The following GAS7 variants were observed in gnomAD, a reference collection of about 807,000 sequenced individuals.
GAS7 encodes growth arrest specific 7, also known as growth arrest-specific protein 7.
GAS7 carries 28 observed loss-of-function variants against 71.1 expected under a neutral mutation model. That is an observed-to-expected ratio of 0.39 (90% CI 0.29 to 0.54). The LOEUF (loss-of-function observed/expected upper bound fraction) is 0.54. GAS7 is among the 20% of genes least tolerant of loss of function. GAS7 has a pLI of 0.62. For missense variants in GAS7, 436 were observed against 627.8 expected, an observed-to-expected ratio of 0.69 and a Z score of 3.27; for synonymous variants, 258 against 245.8, an observed-to-expected ratio of 1.05 and a Z score of -0.46.
At chr17:9,993,900 A>G (rs1312533587) in intron 2 of GAS7, among the ~76,000 whole-genome samples, 2 of 152,196 alleles carry the variant, frequency 1.3e-5, no homozygotes, top group Non-Finnish European at 2.9e-5. Context: ...ACAAACAGAG[A>G]GCCAAATTAT....
chr17:9,959,495 TGCTC>T lies in GAS7; in HGVS notation c.472-244_472-241del. ...CCTCCTGCACAGGCTCTGAGAGAAC[TGCTC>T]CAAACCAGGTCTCCCCTCCTCTTCT... On this transcript the variant is annotated intron_variant, in intron 4 of 13. Transcript: ENST00000432992. This position sits in a 1 kb window ranked among gnomAD's most constrained non-coding sequence, Gnocchi z 5.0. 1 of 1,380,164 alleles carries T rather than the reference TGCTC, an allele frequency of 7.2e-7. No individual in the cohort carries two copies. The highest frequency in any genetic ancestry group is 1.7e-5 in the South Asian group (1 of 60,074). 85.5% of individuals were successfully genotyped at this position (1,380,164 alleles called of 1,614,324 possible).
chr17:10,055,055 C>T (rs770990397), intron 1 of GAS7, among the ~76,000 whole-genome samples: 14 of 152,064 alleles, frequency 9.2e-5, no homozygotes, highest in East Asian at 1.9e-4. Context: ...CAGTCAGGGG[C>T]GACACCACAC....
rs1222229624 is a variant in GAS7 at position 9,912,995 on chromosome 17, GA to G, written c.*4232del. 4.3e-6 allele frequency: 1 copy of G among 232,862 alleles called. No homozygotes were observed. Among genetic ancestry groups the G allele is most frequent in the Non-Finnish European group, 8.5e-6 (1 of 117,826 alleles). 14.4% of individuals were successfully genotyped at this position (232,862 alleles called of 1,614,324 possible). Reference sequence around the variant, plus strand: ...GTGACTCCATTTATATGACATTCTAGAAAAGGCAAAATTATAGGATCAGATA... The same window carrying G: ...GTGACTCCATTTATATGACATTCTAGAAAGGCAAAATTATAGGATCAGATA... On this transcript the variant is annotated 3_prime_UTR_variant, in exon 14 of 14. Coordinates refer to ENST00000432992, the MANE Select transcript of GAS7 (RefSeq NM_201433.2).
At chr17:10,050,439 T>G (rs1158464448) in intron 1 of GAS7, among the ~76,000 whole-genome samples, 4 of 152,152 alleles carry the variant, frequency 2.6e-5, no homozygotes, top group African/African-American at 9.7e-5. Context: ...AGACAGAGCT[T>G]GGACACCGAG....
chr17:9,934,839 G>A (rs1384202539), intron 8 of GAS7, among the ~76,000 whole-genome samples: 3 of 152,188 alleles, frequency 2.0e-5, no homozygotes, highest in Non-Finnish European at 2.9e-5. Flanking sequence ...GGGTTCAAGC[G>A]ATTCTCCTGT....
chr17:10,101,760 G>A (rs1234436998), intron 1 of GAS7, among the ~76,000 whole-genome samples: 3 of 152,192 alleles, frequency 2.0e-5, no homozygotes, highest in African/African-American at 4.8e-5. Context: ...ATTGGTTAAA[G>A]AGAAGCATTA....
rs188968602 is a variant in GAS7, at chr17:10,186,088, G to A, written c.183+12120C>T. On this transcript the variant is annotated intron_variant, in intron 1 of 13. Coordinates refer to ENST00000432992, the MANE Select transcript of GAS7 (RefSeq NM_201433.2). ...TCCTGCCTCAGCCTCCAGAGTAGCTGGGACCACAGGTGCCCACCATGCCCA... is the reference window on the plus strand; with the variant it reads ...TCCTGCCTCAGCCTCCAGAGTAGCTAGGACCACAGGTGCCCACCATGCCCA... 7.2e-4 allele frequency among the ~76,000 whole-genome samples: 109 copies of A among 151,098 alleles called. 1 individual carries two copies. The highest frequency in any genetic ancestry group is 1.3e-4 in the Non-Finnish European group (9 of 67,834).
chr17:10,122,989 G>A (rs962375875), intron 1 of GAS7, among the ~76,000 whole-genome samples: 4 of 152,004 alleles, frequency 2.6e-5, no homozygotes, highest in East Asian at 3.9e-4. Context: ...ACACCACCAC[G>A]CCTGGCTGAT....
rs2067709834 is a variant in GAS7 at position 9,919,352 on chromosome 17, A to T, written c.1218+274T>A. On this transcript the variant is annotated intron_variant, in intron 12 of 13. Coordinates refer to ENST00000432992, the MANE Select transcript of GAS7 (RefSeq NM_201433.2). This position sits in a 1 kb window ranked among gnomAD's most constrained non-coding sequence, Gnocchi z 5.0. ...GTCCACTTAGTTGAGGAGAGTCCTC[A>T]GTTGACCCTGACCTCTCAGGGGACA... Among the ~76,000 whole-genome samples, 1 of 152,134 alleles carries T rather than the reference A, an allele frequency of 6.6e-6. No homozygotes were observed. The highest frequency in any genetic ancestry group is 2.4e-5 in the African/African-American group (1 of 41,420).
At chr17:10,141,753 T>C (rs7224385) in intron 1 of GAS7, among the ~76,000 whole-genome samples, 88,448 of 152,030 alleles carry the variant, frequency 0.58, 27,632 homozygotes, top group East Asian at 0.85. Flanking sequence ...TTAAAATGTG[T>C]ATGATAGATA....
Position 9,952,992 on chromosome 17 carries a change from T to C in GAS7, c.526-6009A>G, listed in dbSNP as rs553987735. ...TCATTCGACCCAGCAATCCCATTAC[T>C]GGGTATATACCCAAAGGAATATAAA... is the stretch of plus-strand genomic sequence containing the variant. On this transcript the variant is annotated intron_variant, in intron 5 of 13. Coordinates refer to ENST00000432992, the MANE Select transcript of GAS7 (RefSeq NM_201433.2). 2.0e-5 allele frequency among the ~76,000 whole-genome samples: 3 copies of C among 152,230 alleles called. No homozygotes were observed. In the South Asian group the frequency reaches 6.2e-4, roughly 32 times the overall value.
At chr17:10,129,956 G>A (rs555191414) in intron 1 of GAS7, among the ~76,000 whole-genome samples, 9 of 152,006 alleles carry the variant, frequency 5.9e-5, no homozygotes, top group Non-Finnish European at 8.8e-5. Flanking sequence ...GGTGGATCGC[G>A]AGGTCAGGAG....
At chr17:10,040,393 G>A (rs2072840750) in intron 1 of GAS7, among the ~76,000 whole-genome samples, 1 of 152,178 alleles carries the variant, frequency 6.6e-6, no homozygotes, top group Non-Finnish European at 1.5e-5. Context: ...GGGAGGCCAT[G>A]AGGACACCAA....
rs1000080440 is a variant in GAS7, at chr17:10,039,750, G to A, written c.184-19853C>T. The A allele has an allele frequency of 3.1e-5, 14 of 456,296 alleles. No homozygotes were observed. In the East Asian group the frequency reaches 4.2e-4, roughly 14 times the overall value. The allele number at this position is 456,296 out of a possible 1,614,324, so 28.3% of individuals were successfully genotyped here. A position where few individuals can be genotyped will look rare whatever the true frequency, so the allele number is the denominator to read the frequency against. On this transcript the variant is annotated intron_variant, in intron 1 of 13. Coordinates refer to ENST00000432992, the MANE Select transcript of GAS7 (RefSeq NM_201433.2). ...TAGCAGGACTCACTCACCATGGCTC[G>A]TCTTGCGTTCAATCTTGGGGAGACC... is the stretch of plus-strand genomic sequence containing the variant.
At chr17:10,131,214 T>C (rs1311049914) in intron 1 of GAS7, among the ~76,000 whole-genome samples, 1 of 152,186 alleles carries the variant, frequency 6.6e-6, no homozygotes, top group Non-Finnish European at 1.5e-5. Context: ...TGGTCTCTGT[T>C]TACCTATGAT....
intron 1 of GAS7, among the ~76,000 whole-genome samples, chr17:10,137,360 G>GC (rs1298164813): frequency 7.1e-6 from 1 of 140,470 alleles, no homozygotes; most frequent in Non-Finnish European, 1.5e-5. Context: ...CCCACAACCT[G>GC]CCCCCCTCAC....
intron 2 of GAS7, among the ~76,000 whole-genome samples, chr17:9,989,036 A>G (rs1460486616): frequency 6.6e-6 from 1 of 151,976 alleles, no homozygotes; most frequent in Non-Finnish European, 1.5e-5. Context: ...TTTTTAGTAG[A>G]GACAGGGTTT....
At chr17:10,109,679 G>A (rs1237897561) in intron 1 of GAS7, among the ~76,000 whole-genome samples, 1 of 152,246 alleles carries the variant, frequency 6.6e-6, no homozygotes, top group Non-Finnish European at 1.5e-5. Flanking sequence ...AACACTTTGG[G>A]AGGCCAAGGC....
chr17:10,015,264 A>G lies in GAS7; in HGVS notation c.304+4513T>C, dbSNP rs369318099. ...GTGTAAAAATGGGGACAGAACACCT[A>G]TTATCCCCAGGCACCCTCTGGAAAA... On this transcript the variant is annotated intron_variant, in intron 2 of 13. Transcript: ENST00000432992. Among the ~76,000 whole-genome samples, 34 of 152,318 alleles carry G rather than the reference A, an allele frequency of 2.2e-4. No homozygotes were observed. The East Asian group carries it at 2.5e-3, about 11-fold the overall frequency.
Sources: allele counts gnomAD v4.1 joint callset (sites outside exome capture counted in the v4.1 genomes callset), GRCh38; gene constraint gnomAD v4.1.1; non-coding constraint Gnocchi (gnomAD v3.1); transcripts MANE v1.5; gene names NCBI Gene and HGNC (gene_info 2026-07-23, HGNC 2026-07-21).